The following COL4A1 variants were observed in gnomAD, a reference collection of about 807,000 sequenced individuals.
The protein encoded by COL4A1 is collagen type IV alpha 1 chain.
A neutral mutation model predicts 216.6 loss-of-function variants in COL4A1; 40 were observed. The ratio of observed to expected loss-of-function variants is 0.18; its 90% CI spans 0.14 to 0.24. The LOEUF is 0.24. Ranked by LOEUF, COL4A1 falls within the 10% of genes least tolerant of loss-of-function variation. COL4A1 has a pLI of 1.00. For missense variants in COL4A1, 1,628 were observed against 2,196.8 expected (o/e 0.74, Z 5.18); for synonymous variants, 839 against 810.7 (o/e 1.03, Z -0.59).
intron 1 of COL4A1, among the ~76,000 whole-genome samples, chr13:110,295,958 T>C (rs1884259782): frequency 6.6e-6 from 1 of 152,222 alleles, no homozygotes; most frequent in Non-Finnish European, 1.5e-5. Context: ...CTGTCTCCAC[T>C]GTGCTCAAGC....
chr13:110,164,796 G>A (rs1877258155), intron 46 of COL4A1, 66 bp downstream of exon 46: 3 of 1,588,520 alleles, frequency 1.9e-6, no homozygotes, highest in East Asian at 2.3e-5. Context: ...ACATGGGTGA[G>A]GAGGAACTCT....
chr13:110,175,341 T>C lies in COL4A1; in HGVS notation c.3075A>G (p.Lys1025=). 1 of 1,614,212 alleles carries C rather than the reference T, an allele frequency of 6.2e-7. No individual in the cohort carries two copies. The highest frequency in any genetic ancestry group is 8.5e-7 in the Non-Finnish European group (1 of 1,180,040). ...GTGGGCCAGGGATGCCAGGCACACC[T>C]TTCTCTCCAGGTGTTCCTATAAACA... The part of the protein sequence containing the change: ...GMGLPGTPGE[K]GVPGIPGPQG... The change falls in exon 37 of 52, where the codon AAA becomes AAG. Residue 1025 remains lysine (K), a synonymous_variant. Transcript: ENST00000375820.
chr13:110,167,224 C>T lies in COL4A1; in HGVS notation c.3883G>A (p.Gly1295Ser). Residue 1295 changes from glycine (G) to serine (S), a missense_variant, in exon 44 of 52, where the codon GGT (glycine) becomes AGT (serine). By Grantham distance (56) the Gly-to-Ser change is moderately conservative. Transcript: ENST00000375820. Reference protein sequence around the residue: ...DPGFQGMPGIGGSPGITGSKG... With the variant: ...DPGFQGMPGISGSPGITGSKG... ...GAGCCTGTGATTCCTGGAGAGCCACCAATACCCTAGACACGCAAAGAGGAG... is the reference window on the plus strand; with the variant it reads ...GAGCCTGTGATTCCTGGAGAGCCACTAATACCCTAGACACGCAAAGAGGAG... 2 of 1,613,452 alleles carry T rather than the reference C, an allele frequency of 1.2e-6. No individual in the cohort carries two copies. Among genetic ancestry groups the T allele is most frequent in the Non-Finnish European group, 1.7e-6 (2 of 1,179,442 alleles).
At chr13:110,234,204 G>A (rs1881194871) in intron 2 of COL4A1, among the ~76,000 whole-genome samples, 1 of 152,194 alleles carries the variant, frequency 6.6e-6, no homozygotes, top group South Asian at 2.1e-4. Flanking sequence ...GAAAAACAGT[G>A]GGTAGATGGG....
chr13:110,250,063 G>A (rs1882004593), intron 1 of COL4A1, among the ~76,000 whole-genome samples: 1 of 151,916 alleles, frequency 6.6e-6, no homozygotes. Flanking sequence ...CCCCTGAAAG[G>A]ACAACTTAGG....
In COL4A1 at chr13:110,212,574, G is replaced by T. The variant is rs61759487; in HGVS notation, c.324C>A (p.Pro108=). ...ASGYPGNPGL[P]GIPGQDGPPG... ...AGTAGAGCACGTTTTCTATACATACGGGAAGTCCTGGGTTTCCAGGGTAGC... is the reference window on the plus strand; with the variant it reads ...AGTAGAGCACGTTTTCTATACATACTGGAAGTCCTGGGTTTCCAGGGTAGC... The change falls in exon 5 of 52, where the codon CCC becomes CCA. Residue 108 remains proline (P), a splice_region_variant and synonymous_variant. Transcript: ENST00000375820. 3.2e-5 allele frequency: 51 copies of T among 1,614,022 alleles called. No homozygotes were observed. The highest frequency in any genetic ancestry group is 4.2e-5 in the Non-Finnish European group (49 of 1,180,042).
rs1213798165 is a variant in COL4A1, at chr13:110,162,298, T to C, written c.4394A>G (p.Lys1465Arg). The part of the protein sequence containing the change: ...IDDPQCPSGT[K>R]ILYHGYSLLY... ...CAAAGAGTACCCGTGGTAAAGAATT[T>C]TGGTCCCAGAAGGACACTGTGGGTC... The change falls in exon 48 of 52, where the codon AAA (lysine) becomes AGA (arginine). Residue 1465 changes from lysine to arginine, a missense_variant. Around this residue, in one of 8 missense-constraint regions of COL4A1, gnomAD observed 254 missense variants for 300.1 expected, o/e 0.85. Coordinates refer to ENST00000375820, the MANE Select transcript of COL4A1 (RefSeq NM_001845.6). The C allele has an allele frequency of 5.0e-6, 8 of 1,614,238 alleles. No homozygotes were observed. Among genetic ancestry groups the C allele is most frequent in the Non-Finnish European group, 6.8e-6 (8 of 1,180,040 alleles).
chr13:110,170,799 C>T lies in COL4A1; in HGVS notation c.3557-67G>A, dbSNP rs143766527. 664 of 1,561,430 alleles carry T rather than the reference C, an allele frequency of 4.3e-4. 3 individuals are homozygous for T. The African/African-American group carries it at 7.3e-3, about 17-fold the overall frequency. On this transcript the variant is annotated intron_variant, in intron 41 of 51. Transcript: ENST00000375820. ...GCAGAACAGTAATCTCCAGCGTGGA[C>T]GGCAGAGATGGGATGAGGCGTGCCT...
At chr13:110,176,193 C>T (rs1877877785) in intron 36 of COL4A1, among the ~76,000 whole-genome samples, 3 of 152,178 alleles carry the variant, frequency 2.0e-5, no homozygotes, top group Non-Finnish European at 4.4e-5. Flanking sequence ...GTATACAGCC[C>T]ATGTTTTATT....
At chr13:110,229,319 C>A (rs147449255) in intron 2 of COL4A1, among the ~76,000 whole-genome samples, 72 of 152,352 alleles carry the variant, frequency 4.7e-4, no homozygotes, top group African/African-American at 1.7e-3. Flanking sequence ...AAGATCTCAA[C>A]TCAGAGGACA....
intron 40 of COL4A1, 64 bp downstream of exon 40, chr13:110,173,836 A>C (rs989495576): frequency 6.3e-7 from 1 of 1,586,058 alleles, no homozygotes; most frequent in African/African-American, 1.3e-5. Flanking sequence ...GAACACAGGC[A>C]GTCTGCAGGT....
chr13:110,241,609 G>A (rs893863496), intron 2 of COL4A1, among the ~76,000 whole-genome samples: 2 of 152,164 alleles, frequency 1.3e-5, no homozygotes, highest in Admixed American at 1.3e-4. Context: ...AGATAAATTA[G>A]AGTTGATATG....
intron 44 of COL4A1, among the ~76,000 whole-genome samples, 178 bp downstream of exon 44, chr13:110,166,980 C>T (rs542758816): frequency 2.0e-5 from 3 of 152,170 alleles, no homozygotes; most frequent in Non-Finnish European, 4.4e-5. Context: ...ACACTGGCAT[C>T]CATAAGATTA....
Position 110,211,599 on chromosome 13 carries a change from C to T in COL4A1, c.468+48G>A, listed in dbSNP as rs1353252061. 1 of 1,584,768 alleles carries T rather than the reference C, an allele frequency of 6.3e-7. No individual in the cohort carries two copies. The highest frequency in any genetic ancestry group is 1.7e-5 in the Admixed American group (1 of 57,866). On this transcript the variant is annotated intron_variant, in intron 8 of 51. Transcript: ENST00000375820. The surrounding 1 kb of genome is among the most constrained non-coding windows in gnomAD (Gnocchi z 4.3). ...GTGCTTCTATGGCACTTGTTGTAAA[C>T]AGATTCCCTGTAATGAATCCAATAA...
At chr13:110,282,979 G>A (rs554410361) in intron 1 of COL4A1, among the ~76,000 whole-genome samples, 7 of 152,274 alleles carry the variant, frequency 4.6e-5, no homozygotes, top group African/African-American at 1.7e-4. Context: ...GATCCCAGTC[G>A]CTTCCAGGTG....
intron 50 of COL4A1, among the ~76,000 whole-genome samples, chr13:110,154,722 T>TA (rs1327628318): frequency 6.6e-6 from 1 of 152,292 alleles, no homozygotes; most frequent in East Asian, 1.9e-4. Flanking sequence ...ACAGAGAAGC[T>TA]AGTCATATGG....
intron 2 of COL4A1, among the ~76,000 whole-genome samples, chr13:110,221,943 T>C (rs2139219464): frequency 6.6e-6 from 1 of 152,340 alleles, no homozygotes; most frequent in South Asian, 2.1e-4. Flanking sequence ...AACAGCTTAA[T>C]TCCGTTTTCG....
intron 2 of COL4A1, 114 bp downstream of exon 2, chr13:110,242,561 A>C: frequency 8.2e-7 from 1 of 1,212,728 alleles, no homozygotes; most frequent in East Asian, 2.3e-5. Context: ...TGGGGAAATT[A>C]TCAAAACAGT....
At chr13:110,287,175 C>T (rs1566445146) in intron 1 of COL4A1, among the ~76,000 whole-genome samples, 2 of 152,222 alleles carry the variant, frequency 1.3e-5, no homozygotes, top group Admixed American at 1.3e-4. Flanking sequence ...TGCAGAGACG[C>T]ACTTTTCCCC....
Sources: allele counts gnomAD v4.1 joint callset (sites outside exome capture counted in the v4.1 genomes callset), GRCh38; gene constraint gnomAD v4.1.1; regional missense constraint gnomAD v4.1.1; non-coding constraint Gnocchi (gnomAD v3.1); transcripts MANE v1.5; gene names NCBI Gene and HGNC (gene_info 2026-07-23, HGNC 2026-07-21).